Variants in MIGA1 observed in about 807,000 individuals in gnomAD.
The protein encoded by MIGA1 is family with sequence similarity 73, member A.
Under a neutral mutation model 82.0 loss-of-function variants are expected in MIGA1, and 58 were observed. That is an observed-to-expected ratio of 0.71 (90% CI 0.57 to 0.88). The LOEUF (loss-of-function observed/expected upper bound fraction) is 0.88, where lower values mean the gene tolerates loss of function less well. Among genes scored for constraint, MIGA1 ranks in the 40% least tolerant of loss-of-function variants. The pLI is 0.00. For synonymous variants in MIGA1, 249 were observed against 253.6 expected, an observed-to-expected ratio of 0.98 and a Z score of 0.17; for missense variants, 751 against 749.1, an observed-to-expected ratio of 1.00 and a Z score of -0.03.
intron 7 of MIGA1, among the ~76,000 whole-genome samples, chr1:77,821,637 G>A (rs1034252012): frequency 3.9e-5 from 6 of 151,982 alleles, no homozygotes; most frequent in Non-Finnish European, 7.4e-5. Flanking sequence ...CAGGTGATCC[G>A]CCCGCCTCCG....
intron 7 of MIGA1, among the ~76,000 whole-genome samples, chr1:77,825,753 T>G (rs1684006872): frequency 7.1e-6 from 1 of 141,312 alleles, no homozygotes; most frequent in Admixed American, 6.8e-5. Flanking sequence ...ATTGATAAAC[T>G]TTTTTTTTGT....
chr1:77,856,937 G>C (rs1272165553), intron 8 of MIGA1, among the ~76,000 whole-genome samples: 1 of 151,688 alleles, frequency 6.6e-6, no homozygotes, highest in Admixed American at 6.6e-5. Flanking sequence ...GTTTATTCTT[G>C]TTTGTCTAGT....
intron 2 of MIGA1, among the ~76,000 whole-genome samples, chr1:77,791,834 G>A (rs1682441909): frequency 6.6e-6 from 1 of 152,058 alleles, no homozygotes; most frequent in South Asian, 2.1e-4. Flanking sequence ...AAAGTGGTGG[G>A]ATTACAGGCA....
At chr1:77,782,436 G>A (rs1214726595) in intron 1 of MIGA1, among the ~76,000 whole-genome samples, 1 of 152,014 alleles carries the variant, frequency 6.6e-6, no homozygotes, top group African/African-American at 2.4e-5. Context: ...ATGTACACTA[G>A]ATCGTTTATT....
chr1:77,845,427 A>C lies in MIGA1; in HGVS notation c.996+2020A>C, dbSNP rs1684800267. On this transcript the variant is annotated intron_variant, in intron 8 of 15. Coordinates refer to ENST00000370791, the MANE Select transcript of MIGA1 (RefSeq NM_198549.4). ...CTAATTGCTCTAAAGTTTTTTTTCT[A>C]ATATGCAACTTTAAAAAATATTTTG... Among the ~76,000 whole-genome samples, 3 of 152,168 alleles carry C rather than the reference A, an allele frequency of 2.0e-5. No individual in the cohort carries two copies. The South Asian group carries it at 6.2e-4, about 32-fold the overall frequency.
At chr1:77,827,539 T>A (rs769871737) in intron 7 of MIGA1, among the ~76,000 whole-genome samples, 5 of 152,076 alleles carry the variant, frequency 3.3e-5, no homozygotes. Flanking sequence ...ATTAACAACA[T>A]ACTTACCCAG....
chr1:77,872,371 A>G (rs913578646), intron 14 of MIGA1, among the ~76,000 whole-genome samples: 1 of 152,126 alleles, frequency 6.6e-6, no homozygotes, highest in African/African-American at 2.4e-5. Context: ...GAGGCAAAGT[A>G]GGGAGGATTG....
chr1:77,782,136 C>T (rs1681947900), intron 1 of MIGA1, among the ~76,000 whole-genome samples: 1 of 152,072 alleles, frequency 6.6e-6, no homozygotes, highest in African/African-American at 2.4e-5. Flanking sequence ...TCACTGTGCC[C>T]AGCCGCAAAT....
intron 7 of MIGA1, among the ~76,000 whole-genome samples, chr1:77,823,200 G>C (rs57939520): frequency 0.013 from 1,930 of 152,060 alleles, 32 homozygotes; most frequent in African/African-American, 0.044. Context: ...GAAAATAAAT[G>C]ATGTCTATTC....
At chr1:77,869,745 C>A (rs1195696860) in intron 14 of MIGA1, among the ~76,000 whole-genome samples, 1 of 111,602 alleles carries the variant, frequency 9.0e-6, no homozygotes, top group Non-Finnish European at 1.8e-5. Context: ...CCGACCCCCC[C>A]CCCGCCTGCC....
intron 2 of MIGA1, among the ~76,000 whole-genome samples, chr1:77,787,407 A>G (rs1351459750): frequency 1.4e-5 from 2 of 146,816 alleles, no homozygotes; most frequent in East Asian, 3.9e-4. Context: ...TTTTTGTAAG[A>G]CAGAATCTCA....
chr1:77,863,516 A>G (rs1253564233), intron 12 of MIGA1, among the ~76,000 whole-genome samples: 1 of 152,212 alleles, frequency 6.6e-6, no homozygotes, highest in Non-Finnish European at 1.5e-5. Flanking sequence ...AGCATGTAGT[A>G]TGTAGAGTGT....
chr1:77,827,501 A>T (rs1684078681), intron 7 of MIGA1, among the ~76,000 whole-genome samples: 1 of 152,046 alleles, frequency 6.6e-6, no homozygotes, highest in Non-Finnish European at 1.5e-5. Context: ...AAAATAAAAA[A>T]TTATCTGGAG....
chr1:77,825,218 C>G (rs1159349892), intron 7 of MIGA1, among the ~76,000 whole-genome samples: 2 of 151,934 alleles, frequency 1.3e-5, no homozygotes, highest in Non-Finnish European at 2.9e-5. Flanking sequence ...TGTTGGCAGG[C>G]TGGTCTCGAA....
intron 5 of MIGA1, among the ~76,000 whole-genome samples, chr1:77,810,072 G>A (rs1683261903): frequency 6.6e-6 from 1 of 150,570 alleles, no homozygotes; most frequent in Admixed American, 6.6e-5. Context: ...AGAAGACATT[G>A]TAAACCCATC....
intron 14 of MIGA1, among the ~76,000 whole-genome samples, chr1:77,870,911 G>C (rs1026624246): frequency 2.0e-3 from 115 of 57,868 alleles, no homozygotes; most frequent in Non-Finnish European, 3.0e-3. Context: ...GCAAAACCCC[G>C]TCTCCACCAA....
At chr1:77,840,891 G>C (rs1167484978) in intron 7 of MIGA1, among the ~76,000 whole-genome samples, 1 of 152,098 alleles carries the variant, frequency 6.6e-6, no homozygotes, top group Non-Finnish European at 1.5e-5. Context: ...GTAAAACTGT[G>C]ATTTCTTTTT....
At chr1:77,849,216 A>G (rs1394187438) in intron 8 of MIGA1, among the ~76,000 whole-genome samples, 2 of 152,140 alleles carry the variant, frequency 1.3e-5, no homozygotes, top group Non-Finnish European at 2.9e-5. Flanking sequence ...CCTATGCAAG[A>G]TAACGAGACC....
chr1:77,863,820 A>G, intron 12 of MIGA1, 74 bp from the exon 13 acceptor site: 1 of 1,131,134 alleles, frequency 8.8e-7, no homozygotes, highest in Non-Finnish European at 1.2e-6. Context: ...TTATAAAACC[A>G]TAAAGCCCTG....
Sources: gnomAD v4.1 joint callset for allele counts (sites outside exome capture counted in the v4.1 genomes callset) on GRCh38, gnomAD v4.1.1 for gene constraint, MANE v1.5 for transcripts, NCBI Gene and HGNC (gene_info 2026-07-23, HGNC 2026-07-21) for gene names.